Variants in RARB observed in about 807,000 individuals in gnomAD.
RARB encodes HBV-activated protein.
A neutral mutation model predicts 51.9 loss-of-function variants in RARB; 17 were observed. The ratio of observed to expected loss-of-function variants is 0.33; its 90% confidence interval spans 0.22 to 0.49. The LOEUF (loss-of-function observed/expected upper bound fraction) is 0.49. RARB is among the 20% of genes least tolerant of loss of function. The pLI, the probability that RARB is intolerant of heterozygous loss-of-function variation, is 0.99. For synonymous variants in RARB, 215 were observed against 195.4 expected, an observed-to-expected ratio of 1.10 and a Z score of -0.84; for missense variants, 369 against 550.8, an observed-to-expected ratio of 0.67 and a Z score of 3.30.
At chr3:25,254,934 C>G (rs1224976122) in intron 5 of RARB, among the ~76,000 whole-genome samples, 1 of 152,174 alleles carries the variant, frequency 6.6e-6, no homozygotes, top group Non-Finnish European at 1.5e-5. Context: ...GTTTTTCCTT[C>G]TCTGACAGTT....
intron 4 of RARB, among the ~76,000 whole-genome samples, chr3:25,151,606 A>G (rs1190978619): frequency 1.3e-5 from 2 of 152,228 alleles, no homozygotes; most frequent in African/African-American, 2.4e-5. Flanking sequence ...ATTCAGCATT[A>G]TATGCGTGTT....
intron 5 of RARB, among the ~76,000 whole-genome samples, chr3:25,187,284 T>C (rs549108254): frequency 1.2e-4 from 19 of 152,096 alleles, no homozygotes; most frequent in Admixed American, 9.2e-4. Flanking sequence ...TTTAGAAAAA[T>C]AGGTATTTGT....
At chr3:25,470,295 G>T (rs9839981) in intron 2 of RARB, among the ~76,000 whole-genome samples, 9,496 of 152,218 alleles carry the variant, frequency 0.062, 469 homozygotes, top group African/African-American at 0.14. Context: ...GTTTTAAAAT[G>T]CAATTTTAAA....
intron 2 of RARB, among the ~76,000 whole-genome samples, chr3:24,963,019 T>G (rs1420000524): frequency 2.6e-5 from 4 of 152,194 alleles, no homozygotes; most frequent in Non-Finnish European, 4.4e-5. Context: ...CTTAACTGTT[T>G]ATTCCTTTTT....
At position 24,942,368 on chromosome 3, in the gene RARB, G is replaced by A. The variant is rs1328533494; in HGVS notation, c.-380+83616G>A. Among the ~76,000 whole-genome samples the A allele has an allele frequency of 3.9e-5, 6 of 152,144 alleles. No homozygotes were observed. In the East Asian group the frequency reaches 1.2e-3, roughly 29 times the overall value. On this transcript the variant is annotated intron_variant, in intron 2 of 11. Coordinates refer to the RARB transcript ENST00000383772. ...AATCTTAAATTTGAAATGGGCCTTA[G>A]GGTTTATTTACTCTAATTCATATGT...
Position 25,159,831 on chromosome 3 carries a change from T to C in RARB, c.-279-14288T>C, listed in dbSNP as rs140625287. Among the ~76,000 whole-genome samples the C allele has an allele frequency of 5.4e-3, 815 of 152,250 alleles. 13 individuals carry two copies. The highest frequency in any genetic ancestry group is 0.017 in the African/African-American group (715 of 41,528). On this transcript the variant is annotated intron_variant, in intron 4 of 11. Transcript: ENST00000383772. ...AGGAGGCCAAACTTCAGTATTCAAA[T>C]GAGGTTAAACTTTTATTTTTCTTCT...
At chr3:25,131,026 ATTTTATCAATGATC>A (rs1211557670) in intron 3 of RARB, among the ~76,000 whole-genome samples, 5 of 149,886 alleles carry the variant, frequency 3.3e-5, no homozygotes, top group African/African-American at 1.2e-4. Flanking sequence ...GAAATTATAT[ATTTTATCAATGATC>A]TTATCAATAT....
intron 2 of RARB, among the ~76,000 whole-genome samples, chr3:25,487,220 G>C (rs1204977349): frequency 6.6e-6 from 1 of 152,124 alleles, no homozygotes; most frequent in Non-Finnish European, 1.5e-5. Flanking sequence ...AGCAACTCCA[G>C]GTTTTCGCTT....
At position 25,514,914 on chromosome 3, in the gene RARB, C is replaced by G. The variant is rs368277414; in HGVS notation, c.448+13591C>G. On this transcript the variant is annotated intron_variant, in intron 3 of 7. Coordinates refer to ENST00000330688, the MANE Select transcript of RARB (RefSeq NM_000965.5). Reference sequence around the variant, plus strand: ...GACACAATGTTTGAGTAGTTTTAAACTGAATGGAAACTTGGATATTGTGTC... The same window carrying G: ...GACACAATGTTTGAGTAGTTTTAAAGTGAATGGAAACTTGGATATTGTGTC... Among the ~76,000 whole-genome samples, 3 of 152,336 alleles carry G rather than the reference C, an allele frequency of 2.0e-5. No individual in the cohort carries two copies. In the East Asian group the frequency reaches 5.8e-4, roughly 29 times the overall value.
At chr3:25,454,275 G>A (rs1694777174) in intron 1 of RARB, among the ~76,000 whole-genome samples, 1 of 152,226 alleles carries the variant, frequency 6.6e-6, no homozygotes, top group South Asian at 2.1e-4. Flanking sequence ...TATGTGAGCT[G>A]TAGGCTTTGC....
intron 5 of RARB, among the ~76,000 whole-genome samples, chr3:25,197,236 T>C (rs763087194): frequency 3.9e-5 from 6 of 152,148 alleles, no homozygotes; most frequent in South Asian, 4.1e-4. Flanking sequence ...TTGAATTAAT[T>C]TGTGTATAAG....
upstream of RARB, among the ~76,000 whole-genome samples, chr3:25,427,767 C>G (rs144693414): frequency 5.5e-4 from 84 of 152,274 alleles, no homozygotes; most frequent in African/African-American, 1.9e-3. Flanking sequence ...ATTCTCTGTT[C>G]TACAGTTTAG....
intron 5 of RARB, among the ~76,000 whole-genome samples, chr3:25,305,874 G>C (rs1047655584): frequency 6.6e-6 from 1 of 152,152 alleles, no homozygotes; most frequent in African/African-American, 2.4e-5. Context: ...TTGGTTATTT[G>C]AAACATATAA....
chr3:25,106,987 G>A (rs1182012837), intron 3 of RARB, among the ~76,000 whole-genome samples: 11 of 151,736 alleles, frequency 7.2e-5, no homozygotes, highest in South Asian at 4.2e-4. Context: ...TGCAACCTCC[G>A]CCTCCCGGGT....
At chr3:25,355,731 A>G (rs955499237) in intron 5 of RARB, among the ~76,000 whole-genome samples, 1 of 152,154 alleles carries the variant, frequency 6.6e-6, no homozygotes, top group Non-Finnish European at 1.5e-5. Flanking sequence ...TGACCACAGC[A>G]TTTTCCAAAC....
intron 5 of RARB, among the ~76,000 whole-genome samples, chr3:25,388,600 G>C (rs1706861201): frequency 6.6e-6 from 1 of 152,200 alleles, no homozygotes; most frequent in African/African-American, 2.4e-5. Flanking sequence ...TGAAATTTGT[G>C]CTTAGTAATA....
chr3:24,957,798 G>A (rs545882910), intron 2 of RARB, among the ~76,000 whole-genome samples: 28 of 152,238 alleles, frequency 1.8e-4, no homozygotes, highest in South Asian at 8.3e-4. Flanking sequence ...GTTAGATCCC[G>A]TTAGAAAAGA....
chr3:25,174,892 T>C (rs1700713572), intron 5 of RARB, among the ~76,000 whole-genome samples: 1 of 152,218 alleles, frequency 6.6e-6, no homozygotes, highest in Non-Finnish European at 1.5e-5. Context: ...TGATAAATAA[T>C]GGAAGCAGTG....
At chr3:25,017,954 T>C (rs1434849447) in intron 2 of RARB, among the ~76,000 whole-genome samples, 1 of 152,176 alleles carries the variant, frequency 6.6e-6, no homozygotes, top group Admixed American at 6.6e-5. Flanking sequence ...ATATGTGCAA[T>C]GGAAAAGGCT....
Sources: allele counts gnomAD v4.1 joint callset (sites outside exome capture counted in the v4.1 genomes callset), GRCh38; gene constraint gnomAD v4.1.1; transcripts MANE v1.5; gene names NCBI Gene and HGNC (gene_info 2026-07-23, HGNC 2026-07-21).